Variants in SRL observed in about 807,000 individuals in gnomAD.
SRL encodes the protein sarcalumenin.
Under a neutral mutation model 39.5 loss-of-function variants are expected in SRL, and 23 were observed. That is an observed-to-expected ratio of 0.58 (90% CI 0.42 to 0.82). The LOEUF is 0.82. Among genes scored for constraint, SRL ranks in the 40% least tolerant of loss-of-function variants. The pLI is 0.00. For synonymous variants in SRL, 272 were observed against 237.4 expected (o/e 1.15, Z -1.34); for missense variants, 592 against 607.8 (o/e 0.97, Z 0.27).
chr16:4,224,606 G>A (rs1394379589), intron 1 of SRL, among the ~76,000 whole-genome samples: 5 of 152,092 alleles, frequency 3.3e-5, no homozygotes, highest in African/African-American at 1.2e-4. Context: ...ACCTACTCAG[G>A]AGGCTGAGGC....
chr16:4,208,178 C>T, intron 1 of SRL: 1 of 372,506 alleles, frequency 2.7e-6, no homozygotes, highest in South Asian at 2.0e-5. Context: ...TCTATAATAA[C>T]CTAGCTCCCG....
At chr16:4,203,990 AG>A (rs1015261910) in intron 2 of SRL, among the ~76,000 whole-genome samples, 16 of 152,160 alleles carry the variant, frequency 1.1e-4, no homozygotes, top group African/African-American at 3.1e-4. Context: ...CCCTGCTGGG[AG>A]CCCACAGTGG....
intron 3 of SRL, among the ~76,000 whole-genome samples, chr16:4,198,620 T>TG (rs1330675799): frequency 2.1e-5 from 3 of 141,552 alleles, no homozygotes; most frequent in Non-Finnish European, 4.4e-5. Context: ...AATTTAAAAA[T>TG]TTTTTTTTGT....
intron 1 of SRL, among the ~76,000 whole-genome samples, chr16:4,221,876 CACTG>C (rs1160781532): frequency 6.6e-6 from 1 of 152,194 alleles, no homozygotes; most frequent in Non-Finnish European, 1.5e-5. Flanking sequence ...TCTCTGCCTC[CACTG>C]ACACAAGGCC....
chr16:4,224,111 C>G (rs2052560673), intron 1 of SRL, among the ~76,000 whole-genome samples: 1 of 151,934 alleles, frequency 6.6e-6, no homozygotes, highest in South Asian at 2.1e-4. Flanking sequence ...GCCCTGGGAC[C>G]CCGGGCATCT....
intron 4 of SRL, 142 bp downstream of exon 4, chr16:4,197,657 C>T: frequency 1.5e-6 from 1 of 678,962 alleles, no homozygotes; most frequent in Admixed American, 2.1e-5. Context: ...AAACTGACGG[C>T]CTCAAGTGAT....
At chr16:4,231,234 T>C (rs1007862048) in intron 1 of SRL, among the ~76,000 whole-genome samples, 2 of 152,148 alleles carry the variant, frequency 1.3e-5, no homozygotes, top group Non-Finnish European at 2.9e-5. Context: ...GAGGATCACT[T>C]GAGCCCGGGA....
At chr16:4,202,249 G>C (rs1382421776) in intron 3 of SRL, among the ~76,000 whole-genome samples, 1 of 152,230 alleles carries the variant, frequency 6.6e-6, no homozygotes, top group African/African-American at 2.4e-5. Flanking sequence ...AAGAGGAAAT[G>C]CTTGGAAGGC....
chr16:4,203,301 T>C, intron 2 of SRL, 40 bp from the exon 3 acceptor site: 1 of 1,570,182 alleles, frequency 6.4e-7, no homozygotes, highest in Non-Finnish European at 8.8e-7. Context: ...ATCACGCAGG[T>C]GCGATCCAGG....
Position 4,192,667 on chromosome 16 carries a change from T to A in SRL, c.908A>T (p.His303Leu). ...CTCTTCTTGGAGGAACAGTTCCTGA[T>A]GGGTGTCCGGCTTATACTCTTGTGG... is the stretch of plus-strand genomic sequence containing the variant. ...FWPQEYKPDT[H>L]QELFLQEEIS... The change falls in exon 6 of 6, where the codon CAT becomes CTT. Residue 303 changes from histidine to leucine, a missense_variant. His to Leu is a moderately conservative substitution (Grantham distance 99). Coordinates refer to ENST00000399609, the MANE Select transcript of SRL (RefSeq NM_001098814.2). The surrounding 1 kb of genome is among the most constrained non-coding windows in gnomAD (Gnocchi z 4.0). 1 of 1,614,098 alleles carries A rather than the reference T, an allele frequency of 6.2e-7. No individual in the cohort carries two copies. Among genetic ancestry groups the A allele is most frequent in the Non-Finnish European group, 8.5e-7 (1 of 1,180,012 alleles).
intron 1 of SRL, among the ~76,000 whole-genome samples, chr16:4,215,945 C>T (rs1045179730): frequency 1.2e-4 from 19 of 152,024 alleles, no homozygotes; most frequent in African/African-American, 3.4e-4. Flanking sequence ...CTGTGGTTGA[C>T]GGACCTCTTG....
chr16:4,217,571 G>A (rs903918269), intron 1 of SRL, among the ~76,000 whole-genome samples: 10 of 151,926 alleles, frequency 6.6e-5, no homozygotes, highest in African/African-American at 1.2e-4. Context: ...TACCACTGGC[G>A]CCCCCACCCC....
chr16:4,236,789 G>A lies in SRL; in HGVS notation c.61+5218C>T, dbSNP rs775081562. ...CTCCCGAGTAGCTGGGATTACAGGCGCATGCCACTACGCCCGGCTAATTTT... is the reference window on the plus strand; with the variant it reads ...CTCCCGAGTAGCTGGGATTACAGGCACATGCCACTACGCCCGGCTAATTTT... On this transcript the variant is annotated intron_variant, in intron 1 of 5. Transcript: ENST00000399609. 4.3e-4 allele frequency among the ~76,000 whole-genome samples: 65 copies of A among 150,820 alleles called. 2 individuals carry two copies. The highest frequency in any genetic ancestry group is 1.3e-4 in the Admixed American group (2 of 15,130).
intron 1 of SRL, among the ~76,000 whole-genome samples, chr16:4,211,202 A>T (rs928047007): frequency 6.6e-6 from 1 of 151,980 alleles, no homozygotes; most frequent in African/African-American, 2.4e-5. Flanking sequence ...CAAAGTTGCA[A>T]ACCACTGCAA....
At chr16:4,212,248 C>T (rs2052402423) in intron 1 of SRL, among the ~76,000 whole-genome samples, 1 of 152,216 alleles carries the variant, frequency 6.6e-6, no homozygotes, top group African/African-American at 2.4e-5. Flanking sequence ...TGGCTTCTTA[C>T]ACTGTGACCT....
intron 1 of SRL, among the ~76,000 whole-genome samples, chr16:4,206,524 C>T (rs1222084511): frequency 1.3e-5 from 2 of 152,120 alleles, no homozygotes; most frequent in Non-Finnish European, 2.9e-5. Context: ...TACCAGGGCC[C>T]CTCTGACCCC....
At chr16:4,211,310 G>C (rs574718961) in intron 1 of SRL, among the ~76,000 whole-genome samples, 1 of 149,456 alleles carries the variant, frequency 6.7e-6, no homozygotes, top group Non-Finnish European at 1.5e-5. Flanking sequence ...GGGCTCCCAC[G>C]TTGGGGGGGG....
At chr16:4,198,037 A>G in intron 3 of SRL, 122 bp from the exon 4 acceptor site, 1 of 707,210 alleles carries the variant, frequency 1.4e-6, no homozygotes, top group South Asian at 1.6e-5. Flanking sequence ...TCCATGAATC[A>G]GACGTGTGTA....
intron 3 of SRL, 46 bp downstream of exon 3, chr16:4,203,120 C>T (rs200094280): frequency 2.2e-5 from 35 of 1,559,314 alleles, no homozygotes; most frequent in Middle Eastern, 1.7e-4. Flanking sequence ...GACAGGCCTG[C>T]GCCGTACCCG....
Sources: allele counts gnomAD v4.1 joint callset (sites outside exome capture counted in the v4.1 genomes callset), GRCh38; gene constraint gnomAD v4.1.1; non-coding constraint Gnocchi (gnomAD v3.1); transcripts MANE v1.5; gene names NCBI Gene and HGNC (gene_info 2026-07-23, HGNC 2026-07-21).